The following PCSK5 variants were observed in gnomAD, a reference collection of about 807,000 sequenced individuals.
The protein encoded by PCSK5 is proprotein convertase subtilisin/kexin type 5, also known as prohormone convertase 5.
A neutral mutation model predicts 233.2 loss-of-function variants in PCSK5; 129 were observed. The ratio of observed to expected loss-of-function variants is 0.55; its 90% confidence interval spans 0.48 to 0.64. PCSK5 has a LOEUF of 0.64. PCSK5 is among the 30% of genes least tolerant of loss of function. The probability of loss-of-function intolerance (pLI) is 0.00; values close to 1 mark genes in which losing one functional copy is unlikely to be tolerated. For synonymous variants in PCSK5, 825 were observed against 879.2 expected (o/e 0.94, Z 1.09); for missense variants, 2,076 against 2,430.1 (o/e 0.85, Z 3.06).
Position 75,955,916 on chromosome 9 carries a change from T to C in PCSK5, c.297+23433T>C, listed in dbSNP as rs540897248. ...ACTAACTCAAATCATTTAATGCTCT[T>C]GACTACCCTAAGAGGTTGGCACTGT... On this transcript the variant is annotated intron_variant, in intron 2 of 37. Coordinates refer to ENST00000674117, the MANE Select transcript of PCSK5 (RefSeq NM_001372043.1). Among the ~76,000 whole-genome samples the C allele has an allele frequency of 2.0e-5, 3 of 152,278 alleles. No homozygotes were observed. In the East Asian group the frequency reaches 5.8e-4, roughly 29 times the overall value.
intron 34 of PCSK5, among the ~76,000 whole-genome samples, chr9:76,336,041 T>C (rs1483385601): frequency 6.6e-6 from 1 of 152,214 alleles, no homozygotes; most frequent in Non-Finnish European, 1.5e-5. Flanking sequence ...CCTGATGGTT[T>C]CTTTTCTTGA....
At chr9:76,276,699 G>GCTTCT (rs1827698667) in intron 24 of PCSK5, among the ~76,000 whole-genome samples, 1 of 151,998 alleles carries the variant, frequency 6.6e-6, no homozygotes, top group Non-Finnish European at 1.5e-5. Flanking sequence ...CTAAATTAGG[G>GCTTCT]CCTCTCCTCT....
chr9:75,910,305 A>G (rs1441517519), intron 1 of PCSK5, among the ~76,000 whole-genome samples: 2 of 152,190 alleles, frequency 1.3e-5, no homozygotes, highest in African/African-American at 4.8e-5. Context: ...TCCAGCATAC[A>G]TTTTGCTGAT....
At chr9:75,994,437 T>TGAGATGGAG in intron 3 of PCSK5, among the ~76,000 whole-genome samples, 1 of 70,790 alleles carries the variant, frequency 1.4e-5, no homozygotes, top group Admixed American at 2.1e-4. Context: ...TTTTTTTTTT[T>TGAGATGGAG]TTTTTGAGAT....
chr9:76,331,443 G>A (rs924093934), intron 33 of PCSK5, among the ~76,000 whole-genome samples: 6 of 152,022 alleles, frequency 3.9e-5, no homozygotes, highest in South Asian at 2.1e-4. Flanking sequence ...CGAGGTGGGC[G>A]GATCACAAGG....
chr9:75,991,975 A>T (rs1826786862), intron 3 of PCSK5, among the ~76,000 whole-genome samples: 1 of 152,186 alleles, frequency 6.6e-6, no homozygotes, highest in South Asian at 2.1e-4. Flanking sequence ...ATATACCTGT[A>T]GTTCCTGCTA....
intron 3 of PCSK5, among the ~76,000 whole-genome samples, chr9:75,995,612 T>A (rs1405144201): frequency 2.0e-5 from 3 of 152,174 alleles, no homozygotes; most frequent in African/African-American, 7.2e-5. Context: ...TCATATCTGG[T>A]GTATTTACAA....
chr9:76,115,738 A>G (rs1227802000), intron 9 of PCSK5, among the ~76,000 whole-genome samples: 1 of 152,140 alleles, frequency 6.6e-6, no homozygotes, highest in African/African-American at 2.4e-5. Context: ...GACTCATTGC[A>G]TAATATATCA....
intron 24 of PCSK5, among the ~76,000 whole-genome samples, chr9:76,276,007 T>A (rs1392132847): frequency 6.6e-6 from 1 of 152,200 alleles, no homozygotes; most frequent in Admixed American, 6.5e-5. Flanking sequence ...TACTTCTAAG[T>A]CGACTTCACT....
At chr9:76,092,746 A>C (rs140684263) in intron 7 of PCSK5, among the ~76,000 whole-genome samples, 267 of 152,370 alleles carry the variant, frequency 1.8e-3, no homozygotes, top group African/African-American at 6.3e-3. Context: ...ATGTTTGTAC[A>C]GTGCTTGGCG....
intron 10 of PCSK5, among the ~76,000 whole-genome samples, chr9:76,145,550 G>A (rs547526755): frequency 6.6e-6 from 1 of 152,260 alleles, no homozygotes; most frequent in South Asian, 2.1e-4. Flanking sequence ...AGGTAAACAG[G>A]AGAAACTCTC....
At chr9:76,175,939 GTC>G (rs1021621466) in intron 14 of PCSK5, among the ~76,000 whole-genome samples, 7 of 151,656 alleles carry the variant, frequency 4.6e-5, no homozygotes, top group African/African-American at 1.7e-4. Context: ...GTATGTTATT[GTC>G]TCTCACATTG....
chr9:76,266,009 A>C (rs968926078), intron 24 of PCSK5, among the ~76,000 whole-genome samples: 2 of 152,200 alleles, frequency 1.3e-5, no homozygotes, highest in Admixed American at 6.5e-5. Flanking sequence ...TTATAATTGC[A>C]TCTGATACCT....
chr9:76,035,609 T>C (rs1419915105), intron 5 of PCSK5, among the ~76,000 whole-genome samples: 1 of 133,100 alleles, frequency 7.5e-6, no homozygotes, highest in East Asian at 2.2e-4. Flanking sequence ...AATTTCTTAT[T>C]TAAGAAACAG....
At chr9:76,328,300 A>G (rs1380635348) in intron 33 of PCSK5, 61 bp downstream of exon 33, 10 of 1,225,416 alleles carry the variant, frequency 8.2e-6, no homozygotes, top group Non-Finnish European at 9.7e-6. Flanking sequence ...TGCCTTGCAC[A>G]CTGCCTTGTC....
chr9:75,994,441 T>TGAGATGGAG (rs1262897426), intron 3 of PCSK5, among the ~76,000 whole-genome samples: 2 of 90,878 alleles, frequency 2.2e-5, no homozygotes, highest in Admixed American at 1.5e-4. Context: ...TTTTTTTTTT[T>TGAGATGGAG]TGAGATGGAG....
intron 9 of PCSK5, among the ~76,000 whole-genome samples, chr9:76,127,699 A>G (rs1822566900): frequency 1.3e-5 from 2 of 152,370 alleles, no homozygotes; most frequent in South Asian, 2.1e-4. Flanking sequence ...AAACTCAGCA[A>G]AAGTAGTCCT....
At chr9:76,167,679 G>A (rs888591125) in intron 12 of PCSK5, among the ~76,000 whole-genome samples, 2 of 152,148 alleles carry the variant, frequency 1.3e-5, no homozygotes, top group Non-Finnish European at 2.9e-5. Context: ...ATTGTTATAA[G>A]AAGACTGAAC....
intron 7 of PCSK5, among the ~76,000 whole-genome samples, chr9:76,094,388 T>C (rs919863149): frequency 6.6e-6 from 1 of 152,218 alleles, no homozygotes; most frequent in Non-Finnish European, 1.5e-5. Context: ...CACTTCCTAA[T>C]AGAAAATGAT....
Sources: allele counts gnomAD v4.1 joint callset (sites outside exome capture counted in the v4.1 genomes callset), GRCh38; gene constraint gnomAD v4.1.1; transcripts MANE v1.5; gene names NCBI Gene and HGNC (gene_info 2026-07-23, HGNC 2026-07-21).